HERC4: variants seen among roughly 807,000 people sequenced by gnomAD.
The protein encoded by HERC4 is probable E3 ubiquitin-protein ligase HERC4.
In HERC4, 28 loss-of-function variants were observed where a neutral mutation model predicts 124.3. The observed-to-expected ratio is 0.23, with a 90% CI of 0.17 to 0.31. The LOEUF is 0.31. Ranked by LOEUF, HERC4 falls within the 10% of genes least tolerant of loss-of-function variation. The pLI is 1.00. For synonymous variants in HERC4, 407 were observed against 421.5 expected (o/e 0.97, Z 0.42); for missense variants, 713 against 1,229.3 (o/e 0.58, Z 6.28).
At chr10:67,943,768 A>G (rs1302942546) in intron 19 of HERC4, among the ~76,000 whole-genome samples, 1 of 152,220 alleles carries the variant, frequency 6.6e-6, no homozygotes, top group Non-Finnish European at 1.5e-5. Context: ...ACAGACACCC[A>G]GGGTTACAAC....
intron 9 of HERC4, chr10:68,010,986 G>A (rs914174583): frequency 1.4e-5 from 11 of 803,566 alleles, no homozygotes; most frequent in African/African-American, 1.7e-5. Context: ...TAAGTTCTTC[G>A]AATGAAGTCT....
chr10:67,986,762 T>C (rs1295038846), intron 15 of HERC4, among the ~76,000 whole-genome samples: 1 of 152,174 alleles, frequency 6.6e-6, no homozygotes, highest in Non-Finnish European at 1.5e-5. Context: ...AGAAAAAGAC[T>C]TCTTCAAAAT....
intron 3 of HERC4, among the ~76,000 whole-genome samples, chr10:68,045,509 A>AT (rs530376592): frequency 2.3e-4 from 35 of 152,364 alleles, no homozygotes; most frequent in Non-Finnish European, 2.9e-5. Context: ...CAAAAGATAC[A>AT]TGTAGTTAAA....
At chr10:67,926,429 A>C (rs10823117) in intron 23 of HERC4, among the ~76,000 whole-genome samples, 126,381 of 150,290 alleles carry the variant, frequency 0.84, 53,313 homozygotes, top group Middle Eastern at 0.93. Flanking sequence ...AAAAAAAAAA[A>C]AACAAAAAAA....
chr10:68,043,005 G>A (rs1320597769), intron 4 of HERC4, among the ~76,000 whole-genome samples: 1 of 152,098 alleles, frequency 6.6e-6, no homozygotes, highest in Non-Finnish European at 1.5e-5. Flanking sequence ...TGAAACCAAA[G>A]AACTCAAGTA....
At chr10:67,946,350 C>CACAA (rs1259837953) in intron 19 of HERC4, among the ~76,000 whole-genome samples, 3 of 57,272 alleles carry the variant, frequency 5.2e-5, no homozygotes, top group Non-Finnish European at 1.1e-4. Context: ...AAAACACAAA[C>CACAA]ACACACACAC....
chr10:67,931,507 C>T (rs2031806889), intron 23 of HERC4, among the ~76,000 whole-genome samples: 1 of 152,100 alleles, frequency 6.6e-6, no homozygotes, highest in Non-Finnish European at 1.5e-5. Context: ...TCACTGCAAC[C>T]TCCGCTTCCC....
chr10:68,022,142 G>A (rs1033072834), intron 8 of HERC4, among the ~76,000 whole-genome samples: 14 of 152,080 alleles, frequency 9.2e-5, no homozygotes, highest in African/African-American at 3.1e-4. Context: ...CAAATAAATG[G>A]AAAGAAACAG....
intron 9 of HERC4, among the ~76,000 whole-genome samples, chr10:68,009,808 G>C (rs1435212273): frequency 6.6e-6 from 1 of 152,098 alleles, no homozygotes; most frequent in Non-Finnish European, 1.5e-5. Flanking sequence ...CTAAGTTTAT[G>C]GAATATTCTA....
At chr10:67,959,002 T>A in intron 16 of HERC4, 1 of 701,206 alleles carries the variant, frequency 1.4e-6, no homozygotes, top group Admixed American at 2.8e-5. Context: ...TATATCTATT[T>A]ATTTACATTT....
chr10:67,973,782 G>T (rs960672292), intron 15 of HERC4, among the ~76,000 whole-genome samples: 1 of 152,056 alleles, frequency 6.6e-6, no homozygotes, highest in Non-Finnish European at 1.5e-5. Context: ...GGTTGGGCAC[G>T]GTGGCTCATG....
At chr10:68,067,848 C>T (rs896390313) in intron 3 of HERC4, 1 of 152,172 alleles carries the variant, frequency 6.6e-6, no homozygotes, top group African/African-American at 2.4e-5. Flanking sequence ...ATAAACTCTG[C>T]CAATCGAGTT....
In HERC4 at chr10:68,042,327, A is replaced by G. The variant is rs563373671; in HGVS notation, c.386+2077T>C. 1.1e-4 allele frequency among the ~76,000 whole-genome samples: 16 copies of G among 152,302 alleles called. No individual in the cohort carries two copies. The East Asian group carries it at 3.1e-3, about 30-fold the overall frequency. The stretch of plus-strand genomic sequence containing the variant: ...CAGCCTATTCTGATTACTCTTACGA[A>G]AATCTATAAACACTAGGCAGGACAC... On this transcript the variant is annotated intron_variant, in intron 4 of 24. Coordinates refer to ENST00000373700, the MANE Select transcript of HERC4 (RefSeq NM_015601.4).
At chr10:68,010,657 C>A (rs1261185199) in intron 9 of HERC4, 9 of 1,460,456 alleles carry the variant, frequency 6.2e-6, no homozygotes, top group Non-Finnish European at 8.5e-6. Context: ...GCTTCCTCCA[C>A]CCACTTCTGC....
intron 16 of HERC4, among the ~76,000 whole-genome samples, chr10:67,963,437 G>A (rs1203497896): frequency 6.6e-6 from 1 of 152,144 alleles, no homozygotes; most frequent in Admixed American, 6.5e-5. Flanking sequence ...GACTGGTCTA[G>A]AACTTCTGAC....
At chr10:68,000,228 A>G (rs2037144520) in intron 9 of HERC4, among the ~76,000 whole-genome samples, 1 of 152,128 alleles carries the variant, frequency 6.6e-6, no homozygotes. Context: ...TCTGTGCAGT[A>G]AAGATTAGCT....
intron 10 of HERC4, 113 bp from the exon 11 acceptor site, chr10:67,992,436 A>G (rs1446896542): frequency 7.2e-7 from 1 of 1,379,706 alleles, no homozygotes; most frequent in East Asian, 2.3e-5. Flanking sequence ...TCTCCTGAAC[A>G]CCTGAAACAA....
chr10:68,036,499 A>G (rs1431721441), intron 5 of HERC4, among the ~76,000 whole-genome samples: 1 of 152,130 alleles, frequency 6.6e-6, no homozygotes, highest in Non-Finnish European at 1.5e-5. Flanking sequence ...AACAAAGAAT[A>G]CACAGAGATT....
intron 23 of HERC4, among the ~76,000 whole-genome samples, chr10:67,928,089 C>G (rs1190614537): frequency 1.3e-5 from 2 of 152,016 alleles, no homozygotes; most frequent in Non-Finnish European, 2.9e-5. Flanking sequence ...GAAGAGAATT[C>G]CAGGCACTTG....
Sources: gnomAD v4.1 joint callset for allele counts (sites outside exome capture counted in the v4.1 genomes callset) on GRCh38, gnomAD v4.1.1 for gene constraint, MANE v1.5 for transcripts, NCBI Gene and HGNC (gene_info 2026-07-23, HGNC 2026-07-21) for gene names.